Variants in IRAK3 observed in about 807,000 individuals in gnomAD.
IRAK3 encodes the protein interleukin-1 receptor-associated kinase 3.
IRAK3 carries 57 observed loss-of-function variants against 56.6 expected under a neutral mutation model. That is an observed-to-expected ratio of 1.01 (90% CI 0.81 to 1.26). The LOEUF (loss-of-function observed/expected upper bound fraction) is 1.26, where lower values mean the gene tolerates loss of function less well. Among genes scored for constraint, IRAK3 ranks in the 50% most tolerant of loss-of-function variants. The probability of loss-of-function intolerance (pLI) is 0.00; values close to 1 mark genes in which losing one functional copy is unlikely to be tolerated. For synonymous variants in IRAK3, 258 were observed against 255.7 expected (o/e 1.01, Z -0.09); for missense variants, 703 against 719.0 (o/e 0.98, Z 0.25).
At chr12:66,235,229 T>C (rs1190640855) in intron 8 of IRAK3, 12 of 1,608,846 alleles carry the variant, frequency 7.5e-6, no homozygotes, top group Non-Finnish European at 1.0e-5. Flanking sequence ...CTGCTTGCGA[T>C]AGGGCGTCCG....
At position 66,226,873 on chromosome 12, in the gene IRAK3, C is replaced by T. The variant is rs200624143; in HGVS notation, c.768+36C>T. The T allele has an allele frequency of 4.9e-6, 6 of 1,220,266 alleles. No individual in the cohort carries two copies. The Admixed American group carries it at 1.0e-4, about 21-fold the overall frequency. The allele number at this position is 1,220,266 out of a possible 1,614,324, so 75.6% of individuals were successfully genotyped here. A position where few individuals can be genotyped will look rare whatever the true frequency, so the allele number is the denominator to read the frequency against. On this transcript the variant is annotated intron_variant, in intron 7 of 11. Transcript: ENST00000261233. ...TCTATTATTCTGTCTGATCCTCTGA[C>T]CCCTTGAATCCCTGGGAGAGCTGCT...
intron 2 of IRAK3, among the ~76,000 whole-genome samples, chr12:66,204,473 A>G (rs542005297): frequency 3.9e-5 from 6 of 151,928 alleles, no homozygotes; most frequent in African/African-American, 9.7e-5. Flanking sequence ...TGTCTTCTCT[A>G]TTTCTGGGTC....
At chr12:66,195,269 G>T (rs960015866) in intron 1 of IRAK3, among the ~76,000 whole-genome samples, 1 of 152,088 alleles carries the variant, frequency 6.6e-6, no homozygotes, top group Non-Finnish European at 1.5e-5. Flanking sequence ...CACTGCCACC[G>T]TAACCATCTT....
chr12:66,223,487 G>A (rs1253862419), intron 6 of IRAK3, among the ~76,000 whole-genome samples: 5 of 151,386 alleles, frequency 3.3e-5, no homozygotes, highest in Admixed American at 1.3e-4. Flanking sequence ...GTGAAACCCC[G>A]TCTCTACTAA....
intron 2 of IRAK3, among the ~76,000 whole-genome samples, chr12:66,207,481 A>G (rs1592581348): frequency 6.6e-6 from 1 of 151,064 alleles, no homozygotes. Context: ...CCAAAAAAAA[A>G]AACAAAAAAC....
chr12:66,243,310 CT>C (rs1592603564), intron 8 of IRAK3, among the ~76,000 whole-genome samples: 1 of 152,186 alleles, frequency 6.6e-6, no homozygotes, highest in Non-Finnish European at 1.5e-5. Context: ...ACTTCTGGAG[CT>C]TTTGTAAGAT....
In IRAK3 at chr12:66,235,134, A is replaced by C. The variant is rs1419336418; in HGVS notation, c.887+6764A>C. The C allele has an allele frequency of 2.0e-6, 3 of 1,537,478 alleles. No homozygotes were observed. The African/African-American group carries it at 4.1e-5, about 21-fold the overall frequency. Reference sequence around the variant, plus strand: ...GTTTTGCTGAGCTGATCCCATCCTGAGTTGCTGCTGCTGCTACTGTTGTTA... The same window carrying C: ...GTTTTGCTGAGCTGATCCCATCCTGCGTTGCTGCTGCTGCTACTGTTGTTA... On this transcript the variant is annotated intron_variant, in intron 8 of 11. Transcript: ENST00000261233.
At position 66,249,361 on chromosome 12, in the gene IRAK3, T is replaced by C. The variant is rs1592607646; in HGVS notation, c.*1190T>C. 1 of 152,290 alleles carries C rather than the reference T, an allele frequency of 6.6e-6. No individual in the cohort carries two copies. The highest frequency in any genetic ancestry group is 3.4e-3 in the Middle Eastern group (1 of 294). The allele number at this position is 152,290 out of a possible 1,614,324, so 9.4% of individuals were successfully genotyped here. A position where few individuals can be genotyped will look rare whatever the true frequency, so the allele number is the denominator to read the frequency against. On this transcript the variant is annotated 3_prime_UTR_variant, in exon 12 of 12. Transcript: ENST00000261233. ...TTTGTATTTTTAGTAGAGACGGGGT[T>C]TCACCATGTTAGGCAGGATGGTCTC...
At chr12:66,246,785 C>CGT (rs149356716) in intron 11 of IRAK3, among the ~76,000 whole-genome samples, 113 of 151,896 alleles carry the variant, frequency 7.4e-4, no homozygotes, top group African/African-American at 2.2e-3. Flanking sequence ...TTTTTAATTA[C>CGT]GTGTGTGTGT....
rs565909471 is a variant in IRAK3, at chr12:66,247,753, C to T, written c.1373C>T (p.Thr458Ile). ...TTGTATTTTGCTGAAGATCCTCCCA[C>T]ATCACTAAAGTCCTTCAGGTGTCCT... ...ASLYFAEDPP[T>I]SLKSFRCPSP... The change falls in exon 12 of 12, where the codon ACA (threonine) becomes ATA (isoleucine). Residue 458 changes from threonine to isoleucine, a missense_variant. By Grantham distance (89) the Thr-to-Ile change is moderately conservative. Transcript: ENST00000261233. 13 of 1,614,166 alleles carry T rather than the reference C, an allele frequency of 8.1e-6. No individual in the cohort carries two copies. The Admixed American group carries it at 1.0e-4, about 12-fold the overall frequency.
At chr12:66,189,709 C>T (rs2052381348) in intron 1 of IRAK3, among the ~76,000 whole-genome samples, 1 of 152,196 alleles carries the variant, frequency 6.6e-6, no homozygotes, top group African/African-American at 2.4e-5. Context: ...GTGAAAGCAT[C>T]TTCTGTTCGT....
chr12:66,217,336 A>G, intron 6 of IRAK3, 101 bp downstream of exon 6: 2 of 894,040 alleles, frequency 2.2e-6, no homozygotes, highest in South Asian at 1.3e-5. Flanking sequence ...CATGTAATAA[A>G]TTTGGGTTGG....
At chr12:66,209,572 T>G in intron 3 of IRAK3, 52 bp downstream of exon 3, 1 of 1,121,396 alleles carries the variant, frequency 8.9e-7, no homozygotes, top group Non-Finnish European at 1.4e-6. Context: ...GCATGTATAA[T>G]TGAGCATAAG....
chr12:66,197,321 A>G (rs1305308316), intron 1 of IRAK3: 2 of 1,043,214 alleles, frequency 1.9e-6, no homozygotes, highest in East Asian at 7.5e-5. Flanking sequence ...ACAAAGTCCT[A>G]TATTCTGAAA....
intron 2 of IRAK3, among the ~76,000 whole-genome samples, chr12:66,207,599 T>C (rs1463732254): frequency 6.6e-6 from 1 of 152,214 alleles, no homozygotes; most frequent in Non-Finnish European, 1.5e-5. Flanking sequence ...AGTTCCTTAA[T>C]GTGAAAGTTT....
chr12:66,197,077 A>G (rs538715835), intron 1 of IRAK3: 25 of 1,366,322 alleles, frequency 1.8e-5, no homozygotes, highest in South Asian at 7.2e-5. Context: ...ACAGCCTTCA[A>G]GGACTTTTGA....
intron 2 of IRAK3, among the ~76,000 whole-genome samples, chr12:66,207,315 CA>C (rs1030718959): frequency 6.6e-6 from 1 of 151,876 alleles, no homozygotes; most frequent in Non-Finnish European, 1.5e-5. Context: ...TACTAAAATA[CA>C]AAAAAATTAG....
chr12:66,242,644 T>C (rs1324807086), intron 8 of IRAK3, among the ~76,000 whole-genome samples: 1 of 152,140 alleles, frequency 6.6e-6, no homozygotes. Context: ...TGACCTTCCT[T>C]CCATAAATGC....
intron 8 of IRAK3, chr12:66,235,319 G>A (rs2052894217): frequency 8.6e-7 from 1 of 1,167,758 alleles, no homozygotes. Flanking sequence ...GCGCGGGCGC[G>A]GGGCAGCCTG....
Sources: gnomAD v4.1 joint callset for allele counts (sites outside exome capture counted in the v4.1 genomes callset) on GRCh38, gnomAD v4.1.1 for gene constraint, MANE v1.5 for transcripts, NCBI Gene and HGNC (gene_info 2026-07-23, HGNC 2026-07-21) for gene names.